Variants in RAB3IP observed in about 807,000 individuals in gnomAD.
RAB3IP encodes the protein RAB3A interacting protein.
RAB3IP carries 36 observed loss-of-function variants against 59.1 expected under a neutral mutation model. That is an observed-to-expected ratio of 0.61 (90% CI 0.47 to 0.80). The LOEUF is 0.80. Among genes scored for constraint, RAB3IP ranks in the 30% least tolerant of loss-of-function variants. The probability of loss-of-function intolerance (pLI) is 0.00; values close to 1 mark genes in which losing one functional copy is unlikely to be tolerated. For synonymous variants in RAB3IP, 207 were observed against 191.2 expected (o/e 1.08, Z -0.68); for missense variants, 511 against 536.0 (o/e 0.95, Z 0.46).
At chr12:69,803,833 A>AT (rs1227552004) in intron 8 of RAB3IP, among the ~76,000 whole-genome samples, 1 of 152,088 alleles carries the variant, frequency 6.6e-6, no homozygotes, top group Non-Finnish European at 1.5e-5. Flanking sequence ...TGAACTCATC[A>AT]TTTTTTATGG....
intron 2 of RAB3IP, 67 bp from the exon 3 acceptor site, chr12:69,756,338 T>C (rs1305718483): frequency 1.3e-6 from 2 of 1,520,286 alleles, no homozygotes; most frequent in Non-Finnish European, 1.8e-6. Context: ...TCTAGAGCTG[T>C]GTGTTTAAGC....
rs989721500 is a variant in RAB3IP, at chr12:69,796,582, A to G, written c.888+1238A>G. 6 of 554,160 alleles carry G rather than the reference A, an allele frequency of 1.1e-5. No homozygotes were observed. In the African/African-American group the frequency reaches 1.2e-4, roughly 11 times the overall value. The allele number at this position is 554,160 out of a possible 1,614,324, so 34.3% of individuals were successfully genotyped here. Reference sequence around the variant, plus strand: ...AGCCAGGAGTTTATTAAATGGAATAACCAATGTTAACCTGTTTTAATTGAA... The same window carrying G: ...AGCCAGGAGTTTATTAAATGGAATAGCCAATGTTAACCTGTTTTAATTGAA... On this transcript the variant is annotated intron_variant, in intron 6 of 10. Transcript: ENST00000247833.
rs1162453989 is a variant in RAB3IP at position 69,821,761 on chromosome 12, G to C, written c.*6315G>C. 1 of 152,308 alleles carries C rather than the reference G, an allele frequency of 6.6e-6. No homozygotes were observed. Among genetic ancestry groups the C allele is most frequent in the Non-Finnish European group, 1.5e-5 (1 of 68,034 alleles). The allele number at this position is 152,308 out of a possible 1,614,324, so 9.4% of individuals were successfully genotyped here. A position where few individuals can be genotyped will look rare whatever the true frequency, so the allele number is the denominator to read the frequency against. ...TCTTGAATGACAACACTTGGGTGGA[G>C]CTGAGTGACTCCACCTGTCGGGTGG... On this transcript the variant is annotated 3_prime_UTR_variant, in exon 11 of 11. Coordinates refer to ENST00000247833, the MANE Select transcript of RAB3IP (RefSeq NM_022456.5).
chr12:69,739,851 G>C lies in RAB3IP; in HGVS notation c.-26+820G>C, dbSNP rs371491282. ...TGTGAAGAGTTGCCGGTTGTTATGGGATTAAAAAAGATGAAAGGGTAAGGT... is the reference window on the plus strand; with the variant it reads ...TGTGAAGAGTTGCCGGTTGTTATGGCATTAAAAAAGATGAAAGGGTAAGGT... On this transcript the variant is annotated intron_variant, in intron 1 of 10. Coordinates refer to ENST00000247833, the MANE Select transcript of RAB3IP (RefSeq NM_022456.5). 2.5e-5 allele frequency: 41 copies of C among 1,611,896 alleles called. No homozygotes were observed. Among genetic ancestry groups the C allele is most frequent in the East Asian group, 8.9e-5 (4 of 44,892 alleles).
intron 1 of RAB3IP, among the ~76,000 whole-genome samples, chr12:69,743,691 T>G (rs529117208): frequency 8.5e-5 from 13 of 152,336 alleles, no homozygotes; most frequent in South Asian, 4.1e-4. Flanking sequence ...GAAGGAAGGT[T>G]TTCTGAAGTT....
chr12:69,752,725 T>C (rs535154429), intron 1 of RAB3IP, among the ~76,000 whole-genome samples: 5 of 152,340 alleles, frequency 3.3e-5, no homozygotes, highest in African/African-American at 1.2e-4. Context: ...ATTCATAGTA[T>C]ATGGGATAGA....
At chr12:69,812,137 C>T (rs1880549355) in intron 8 of RAB3IP, 1 of 152,210 alleles carries the variant, frequency 6.6e-6, no homozygotes, top group South Asian at 2.1e-4. Flanking sequence ...AAGTCCCTGC[C>T]CTCAAGAGGT....
At chr12:69,760,419 G>A (rs1193974990) in intron 3 of RAB3IP, among the ~76,000 whole-genome samples, 1 of 151,916 alleles carries the variant, frequency 6.6e-6, no homozygotes, top group Non-Finnish European at 1.5e-5. Flanking sequence ...GAGACTGTGG[G>A]GAGAGGGAGA....
intron 8 of RAB3IP, among the ~76,000 whole-genome samples, chr12:69,807,986 G>A (rs930133494): frequency 2.6e-5 from 4 of 152,240 alleles, no homozygotes; most frequent in Non-Finnish European, 5.9e-5. Flanking sequence ...TGATGTTAGG[G>A]TGTCAATTTT....
intron 4 of RAB3IP, among the ~76,000 whole-genome samples, chr12:69,791,289 G>A (rs761906630): frequency 1.3e-5 from 2 of 152,054 alleles, no homozygotes; most frequent in Non-Finnish European, 2.9e-5. Context: ...GATTTTTTTG[G>A]ATGTGACACC....
chr12:69,806,463 AT>A (rs568315049), intron 8 of RAB3IP, among the ~76,000 whole-genome samples: 1 of 144,954 alleles, frequency 6.9e-6, no homozygotes, highest in African/African-American at 2.6e-5. Context: ...GGATTCATTG[AT>A]TTTTTTGAAG....
intron 1 of RAB3IP, among the ~76,000 whole-genome samples, chr12:69,749,849 T>C (rs1868945993): frequency 6.6e-6 from 1 of 152,210 alleles, no homozygotes; most frequent in Non-Finnish European, 1.5e-5. Context: ...CCTACTCTAA[T>C]AGGCTGTTTG....
At chr12:69,769,039 G>A (rs1285437680) in intron 3 of RAB3IP, among the ~76,000 whole-genome samples, 1 of 152,046 alleles carries the variant, frequency 6.6e-6, no homozygotes, top group Non-Finnish European at 1.5e-5. Flanking sequence ...ATAAGTATGA[G>A]GTCTGATGGT....
At chr12:69,791,604 C>T (rs1876628107) in intron 4 of RAB3IP, among the ~76,000 whole-genome samples, 1 of 152,108 alleles carries the variant, frequency 6.6e-6, no homozygotes, top group Admixed American at 6.5e-5. Context: ...ATGCCAGTCA[C>T]TCCCCAATGA....
At chr12:69,808,484 G>C (rs1879844088) in intron 8 of RAB3IP, among the ~76,000 whole-genome samples, 1 of 152,088 alleles carries the variant, frequency 6.6e-6, no homozygotes, top group Non-Finnish European at 1.5e-5. Context: ...TTGACACAGT[G>C]GGGTTGTTGA....
Position 69,822,917 on chromosome 12 carries a change from T to C in RAB3IP, c.*7471T>C, listed in dbSNP as rs1284313386. 2.0e-5 allele frequency: 3 copies of C among 152,186 alleles called. No homozygotes were observed. Among genetic ancestry groups the C allele is most frequent in the Admixed American group, 6.5e-5 (1 of 15,272 alleles). The allele number at this position is 152,186 out of a possible 1,614,324, so 9.4% of individuals were successfully genotyped here. A position where few individuals can be genotyped will look rare whatever the true frequency, so the allele number is the denominator to read the frequency against. ...TGTACCTGTGCTGTCTTCCAAGCCATTGCTCATGTTTTAAGAAATATACTT... is the reference window on the plus strand; with the variant it reads ...TGTACCTGTGCTGTCTTCCAAGCCACTGCTCATGTTTTAAGAAATATACTT... On this transcript the variant is annotated 3_prime_UTR_variant, in exon 11 of 11. Transcript: ENST00000247833.
intron 4 of RAB3IP, chr12:69,785,160 A>G (rs1875429331): frequency 6.4e-6 from 1 of 156,104 alleles, no homozygotes; most frequent in South Asian, 2.0e-4. Flanking sequence ...TCTTTGAGAT[A>G]GTCATCTTAC....
chr12:69,745,235 A>G (rs12320419), intron 1 of RAB3IP, among the ~76,000 whole-genome samples: 20,261 of 152,194 alleles, frequency 0.13, 1,956 homozygotes, highest in East Asian at 0.41. Context: ...AAGAGCAGTT[A>G]ACTGCAGTAC....
chr12:69,805,232 C>G (rs977205352), intron 8 of RAB3IP, among the ~76,000 whole-genome samples: 1 of 151,990 alleles, frequency 6.6e-6, no homozygotes, highest in Non-Finnish European at 1.5e-5. Context: ...AATTGGATTC[C>G]TAGGTATTTT....
Sources: allele counts gnomAD v4.1 joint callset (sites outside exome capture counted in the v4.1 genomes callset), GRCh38; gene constraint gnomAD v4.1.1; transcripts MANE v1.5; gene names NCBI Gene and HGNC (gene_info 2026-07-23, HGNC 2026-07-21).